CLNK: variants seen among roughly 807,000 people sequenced by gnomAD.
CLNK encodes cytokine-dependent hematopoietic cell linker.
CLNK carries 74 observed loss-of-function variants against 68.6 expected under a neutral mutation model. That is an observed-to-expected ratio of 1.08 (90% CI 0.89 to 1.31). CLNK has a LOEUF of 1.31. CLNK is among the 50% of genes most tolerant of loss of function. The pLI is 0.00. For synonymous variants in CLNK, 198 were observed against 172.2 expected (o/e 1.15, Z -1.17); for missense variants, 553 against 515.3 (o/e 1.07, Z -0.71).
At chr4:10,732,303 C>T in the CLNK span, among the ~76,000 whole-genome samples, 15,043 of 152,084 alleles carry the variant, frequency 0.099, 848 homozygotes, top group East Asian at 0.19. Flanking sequence ...GAAGGTTGGG[C>T]GGATTTAACA....
chr4:10,653,731 G>A (rs2108883813), intron 2 of CLNK, among the ~76,000 whole-genome samples: 1 of 152,250 alleles, frequency 6.6e-6, no homozygotes, highest in Middle Eastern at 3.4e-3. Flanking sequence ...TGAAAATACA[G>A]AGGACTACTG....
At position 10,486,580 on chromosome 4, in the gene CLNK, G is replaced by A. The variant is rs1296999506; in HGVS notation, c.*3887C>T. On this transcript the variant is annotated 3_prime_UTR_variant, in exon 19 of 19. Transcript: ENST00000226951. The stretch of plus-strand genomic sequence containing the variant: ...CACACATACATAATTGGCTACATTC[G>A]ACAATGGGGTTCATTTGATTCCTCC... The A allele has an allele frequency of 6.6e-6, 1 of 151,870 alleles. No individual in the cohort carries two copies. The highest frequency in any genetic ancestry group is 1.5e-5 in the Non-Finnish European group (1 of 68,014). 9.4% of individuals were successfully genotyped at this position (151,870 alleles called of 1,614,324 possible). A position where few individuals can be genotyped will look rare whatever the true frequency, so the allele number is the denominator to read the frequency against.
chr4:10,669,527 C>T (rs528686192), intron 1 of CLNK, among the ~76,000 whole-genome samples: 55 of 152,008 alleles, frequency 3.6e-4, no homozygotes, highest in South Asian at 1.0e-3. Flanking sequence ...TGGCTTTGCA[C>T]ATTTTGGTGA....
the CLNK span, among the ~76,000 whole-genome samples, chr4:10,724,739 T>C: frequency 8.9e-4 from 135 of 152,262 alleles, no homozygotes; most frequent in African/African-American, 3.1e-3. Context: ...TGCTTAGAGA[T>C]CATCCATAAA....
At chr4:10,692,705 A>T in the CLNK span, among the ~76,000 whole-genome samples, 1 of 152,238 alleles carries the variant, frequency 6.6e-6, no homozygotes. Flanking sequence ...CATGTAGAAT[A>T]TTCTCAGCCA....
intron 4 of CLNK, among the ~76,000 whole-genome samples, chr4:10,579,152 C>T (rs932340721): frequency 1.3e-5 from 2 of 152,112 alleles, no homozygotes; most frequent in African/African-American, 2.4e-5. Flanking sequence ...GGAAAGAGGG[C>T]GTCAAGCTGA....
chr4:10,683,073 T>C (rs1725151068), intron 1 of CLNK, among the ~76,000 whole-genome samples: 1 of 152,178 alleles, frequency 6.6e-6, no homozygotes, highest in Non-Finnish European at 1.5e-5. Context: ...ATAAATATTA[T>C]ATTATTGAGG....
intron 1 of CLNK, among the ~76,000 whole-genome samples, chr4:10,683,261 T>C (rs908073772): frequency 6.6e-6 from 1 of 152,150 alleles, no homozygotes; most frequent in African/African-American, 2.4e-5. Flanking sequence ...CATGGCAAAG[T>C]GATCGAGAAA....
rs747513439 is a variant in CLNK at position 10,566,013 on chromosome 4, A to G, written c.288T>C (p.Tyr96=). Residue 96 remains tyrosine (Y), a synonymous_variant, in exon 6 of 19, where the codon TAT becomes TAC. Transcript: ENST00000226951. ...LPARPIKESE[Y]ADTHYFKVAM... is the part of the protein sequence containing the mutation. ...AGGCAGACCCCCAAACGTTACCTGC[A>G]TATTCAGATTCCTTTATAGGCCGGG... 2 of 1,613,768 alleles carry G rather than the reference A, an allele frequency of 1.2e-6. No homozygotes were observed. The highest frequency in any genetic ancestry group is 2.2e-5 in the South Asian group (2 of 91,072).
chr4:10,614,193 G>C (rs917527748), intron 2 of CLNK, among the ~76,000 whole-genome samples: 5 of 152,234 alleles, frequency 3.3e-5, no homozygotes, highest in African/African-American at 1.2e-4. Context: ...TGAGATGTCT[G>C]CATGGAGCCT....
chr4:10,674,949 G>A (rs528396507), intron 1 of CLNK, among the ~76,000 whole-genome samples: 4 of 152,144 alleles, frequency 2.6e-5, no homozygotes, highest in Non-Finnish European at 5.9e-5. Context: ...CACAGGGAGG[G>A]GAACATCACA....
At chr4:10,715,329 A>T in the CLNK span, among the ~76,000 whole-genome samples, 1 of 152,150 alleles carries the variant, frequency 6.6e-6, no homozygotes, top group Non-Finnish European at 1.5e-5. Context: ...GTTTAATTAC[A>T]CCTTGTAGCT....
intron 2 of CLNK, among the ~76,000 whole-genome samples, chr4:10,603,601 G>T (rs1019110467): frequency 2.6e-5 from 4 of 152,224 alleles, no homozygotes; most frequent in African/African-American, 9.6e-5. Context: ...CCCTGTGGAG[G>T]GAAGAGAAAG....
At chr4:10,734,096 A>G in the CLNK span, among the ~76,000 whole-genome samples, 2 of 152,174 alleles carry the variant, frequency 1.3e-5, no homozygotes, top group African/African-American at 4.8e-5. Flanking sequence ...TGAGGTTTAT[A>G]GTCATTATCT....
intron 2 of CLNK, among the ~76,000 whole-genome samples, chr4:10,633,760 A>G (rs1257073250): frequency 1.3e-5 from 2 of 152,254 alleles, no homozygotes; most frequent in African/African-American, 4.8e-5. Flanking sequence ...TAATGGTAAT[A>G]GAATTGGCAA....
intron 2 of CLNK, among the ~76,000 whole-genome samples, chr4:10,640,391 C>G (rs957547194): frequency 9.9e-5 from 15 of 152,208 alleles, no homozygotes; most frequent in African/African-American, 3.6e-4. Context: ...GTCTCGAACT[C>G]CTGACCTCAG....
At chr4:10,713,569 G>A in the CLNK span, among the ~76,000 whole-genome samples, 3,816 of 152,108 alleles carry the variant, frequency 0.025, 161 homozygotes, top group African/African-American at 0.087. Context: ...CCTTAATATG[G>A]TTTGAATTTT....
intron 13 of CLNK, 150 bp from the exon 14 acceptor site, chr4:10,526,072 T>C (rs1477830329): frequency 1.7e-6 from 1 of 600,346 alleles, no homozygotes; most frequent in East Asian, 2.8e-5. Context: ...CTATAACTCA[T>C]GTATTCTACG....
chr4:10,512,506 C>T (rs1275205727), intron 16 of CLNK, among the ~76,000 whole-genome samples: 1 of 152,094 alleles, frequency 6.6e-6, no homozygotes, highest in Non-Finnish European at 1.5e-5. Flanking sequence ...GCTGAGATTA[C>T]AGGCATGAGC....
Sources: allele counts gnomAD v4.1 joint callset (sites outside exome capture counted in the v4.1 genomes callset), GRCh38; gene constraint gnomAD v4.1.1; transcripts MANE v1.5; gene names NCBI Gene and HGNC (gene_info 2026-07-23, HGNC 2026-07-21).